SLC26A5: variants seen among roughly 807,000 people sequenced by gnomAD.
The protein encoded by SLC26A5 is solute carrier family 26 member 5, also known as prestin.
In SLC26A5, 51 loss-of-function variants were observed where a neutral mutation model predicts 81.0. That is an observed-to-expected ratio of 0.63 (90% CI 0.50 to 0.80). The LOEUF (loss-of-function observed/expected upper bound fraction) is 0.80, where lower values mean the gene tolerates loss of function less well. Among genes scored for constraint, SLC26A5 ranks in the 30% least tolerant of loss-of-function variants. The pLI is 0.00. For synonymous variants in SLC26A5, 325 were observed against 332.8 expected, an observed-to-expected ratio of 0.98 and a Z score of 0.25; for missense variants, 771 against 905.8, an observed-to-expected ratio of 0.85 and a Z score of 1.91.
intron 8 of SLC26A5, among the ~76,000 whole-genome samples, chr7:103,399,315 C>T (rs1823393042): frequency 6.6e-6 from 1 of 152,174 alleles, no homozygotes. Context: ...CGCAAAGGTG[C>T]TCAGAACCTC....
chr7:103,365,543 C>T (rs1820670633), intron 19 of SLC26A5, among the ~76,000 whole-genome samples: 2 of 152,164 alleles, frequency 1.3e-5, no homozygotes, highest in African/African-American at 2.4e-5. Context: ...GCATGAGAAT[C>T]GCTTGAACCC....
At chr7:103,376,957 A>G (rs375292011) in intron 18 of SLC26A5, 95 bp from the exon 19 acceptor site, 2 of 827,028 alleles carry the variant, frequency 2.4e-6, no homozygotes, top group East Asian at 2.5e-5. Context: ...AAGACACTCT[A>G]ATTCATTCAC....
At chr7:103,394,175 AAGGAAACAG>A (rs1164939770) in intron 9 of SLC26A5, among the ~76,000 whole-genome samples, 1 of 152,186 alleles carries the variant, frequency 6.6e-6, no homozygotes, top group Non-Finnish European at 1.5e-5. Context: ...ATCGTGAAGT[AAGGAAACAG>A]AGGAAGAAAG....
intron 19 of SLC26A5, chr7:103,363,502 C>A (rs1484980123): frequency 1.4e-6 from 2 of 1,411,170 alleles, no homozygotes; most frequent in Non-Finnish European, 2.0e-6. Flanking sequence ...GTATTGAGCA[C>A]TAAAATTGCT....
intron 19 of SLC26A5, chr7:103,362,577 G>GTCTCT: frequency 7.0e-7 from 1 of 1,435,400 alleles, no homozygotes; most frequent in Non-Finnish European, 9.5e-7. Flanking sequence ...TAGGGACTCT[G>GTCTCT]TCTCTCTCTT....
At chr7:103,443,565 T>C (rs1827039289) in intron 1 of SLC26A5, among the ~76,000 whole-genome samples, 1 of 152,192 alleles carries the variant, frequency 6.6e-6, no homozygotes, top group Non-Finnish European at 1.5e-5. Context: ...GCAGTTGCCT[T>C]GAAAAGAGCA....
chr7:103,404,298 C>A (rs1823851253), intron 8 of SLC26A5, among the ~76,000 whole-genome samples: 1 of 152,088 alleles, frequency 6.6e-6, no homozygotes, highest in Non-Finnish European at 1.5e-5. Flanking sequence ...TTTACATTTT[C>A]ATTTGTTTTT....
chr7:103,384,091 A>G (rs1236607487), intron 14 of SLC26A5, among the ~76,000 whole-genome samples: 1 of 152,098 alleles, frequency 6.6e-6, no homozygotes, highest in Non-Finnish European at 1.5e-5. Context: ...TGACCGTACA[A>G]GTGCACTGCA....
intron 19 of SLC26A5, among the ~76,000 whole-genome samples, chr7:103,359,941 C>T (rs752583293): frequency 9.2e-5 from 14 of 151,922 alleles, no homozygotes; most frequent in Non-Finnish European, 7.4e-5. Flanking sequence ...ATTAGCTGGG[C>T]GTGGTGGCAG....
chr7:103,424,868 G>C (rs1325206943), intron 2 of SLC26A5, among the ~76,000 whole-genome samples: 1 of 152,162 alleles, frequency 6.6e-6, no homozygotes, highest in Non-Finnish European at 1.5e-5. Context: ...GCCTTAACCT[G>C]AACCTACCCA....
At chr7:103,389,829 T>C (rs889741500) in intron 12 of SLC26A5, among the ~76,000 whole-genome samples, 5 of 152,134 alleles carry the variant, frequency 3.3e-5, no homozygotes, top group African/African-American at 4.8e-5. Context: ...GATTTCACCA[T>C]GTTGCCCAGG....
chr7:103,359,894 A>G lies in SLC26A5; in HGVS notation c.2042-6968T>C, dbSNP rs577307944. On this transcript the variant is annotated intron_variant, in intron 19 of 19. Coordinates refer to the SLC26A5 transcript ENST00000339444. ...TGGGAGTTTGAGATCAGCCTGGCCA[A>G]CATGGTGAAACCTGTCTCTACTAAA... Among the ~76,000 whole-genome samples the G allele has an allele frequency of 8.5e-5, 13 of 152,228 alleles. No homozygotes were observed. In the East Asian group the frequency reaches 2.3e-3, roughly 27 times the overall value.
intron 14 of SLC26A5, among the ~76,000 whole-genome samples, chr7:103,385,200 C>T (rs752859778): frequency 5.3e-5 from 8 of 151,974 alleles, no homozygotes; most frequent in African/African-American, 1.9e-4. Context: ...CTCGCTCTGT[C>T]GCCTGGGCTG....
intron 4 of SLC26A5, 29 bp from the exon 5 acceptor site, chr7:103,413,141 G>C: frequency 2.1e-6 from 3 of 1,414,172 alleles, no homozygotes; most frequent in Non-Finnish European, 3.0e-6. Context: ...AACAGAAATG[G>C]GGGATCATTA....
intron 19 of SLC26A5, chr7:103,361,938 A>C: frequency 6.3e-7 from 1 of 1,592,328 alleles, no homozygotes; most frequent in Non-Finnish European, 8.5e-7. Flanking sequence ...TATTCTAATC[A>C]AGCTTTTTGC....
At chr7:103,428,130 G>A (rs1244689137) in intron 2 of SLC26A5, among the ~76,000 whole-genome samples, 1 of 152,118 alleles carries the variant, frequency 6.6e-6, no homozygotes, top group East Asian at 1.9e-4. Flanking sequence ...TGGGATTACA[G>A]GCATAAGCCA....
chr7:103,383,659 TTTTTG>T (rs933370434), intron 14 of SLC26A5, among the ~76,000 whole-genome samples: 8 of 152,204 alleles, frequency 5.3e-5, no homozygotes, highest in African/African-American at 9.6e-5. Flanking sequence ...TAAAAATTTA[TTTTTG>T]TTTTATTATT....
At chr7:103,441,857 A>G (rs537739573) in intron 2 of SLC26A5, among the ~76,000 whole-genome samples, 1 of 152,342 alleles carries the variant, frequency 6.6e-6, no homozygotes, top group Non-Finnish European at 1.5e-5. Flanking sequence ...CTCCCCCCGA[A>G]TAACCTGAAA....
At chr7:103,370,926 G>C (rs180806666), downstream of SLC26A5, among the ~76,000 whole-genome samples, 2 of 152,332 alleles carry the variant, frequency 1.3e-5, no homozygotes, top group East Asian at 3.9e-4. Flanking sequence ...AGATTATGTA[G>C]ATTATGCCCA....
Sources: allele counts gnomAD v4.1 joint callset (sites outside exome capture counted in the v4.1 genomes callset), GRCh38; gene constraint gnomAD v4.1.1; transcripts MANE v1.5; gene names NCBI Gene and HGNC (gene_info 2026-07-23, HGNC 2026-07-21).